FAM246A: variants seen among roughly 807,000 people sequenced by gnomAD.
FAM246A encodes the protein family with sequence similarity 246 member A.
chr22:21,361,144 C>T (rs1225232043), exon 1 of FAM246A, among the ~76,000 whole-genome samples: 1 of 151,504 alleles, frequency 6.6e-6, no homozygotes, highest in African/African-American at 2.4e-5. Context: ...GCTGGCCGAG[C>T]AGGCGAGCCA....
chr22:21,360,701 G>A (rs1374187229), exon 1 of FAM246A, among the ~76,000 whole-genome samples: 4 of 146,956 alleles, frequency 2.7e-5, no homozygotes, highest in African/African-American at 5.1e-5. Context: ...TGGGCCGTCC[G>A]GGGCGTCGTC....
exon 1 of FAM246A, among the ~76,000 whole-genome samples, chr22:21,361,222 G>C (rs1357055918): frequency 1.3e-5 from 2 of 150,946 alleles, no homozygotes; most frequent in African/African-American, 2.4e-5. Flanking sequence ...CCCGCCGGCG[G>C]CCCGTGACGC....
chr22:21,361,066 G>A (rs1262680191), exon 1 of FAM246A, among the ~76,000 whole-genome samples: 1 of 148,690 alleles, frequency 6.7e-6, no homozygotes, highest in South Asian at 2.1e-4. Flanking sequence ...CCGCCGCCCC[G>A]GCCCCCGCAC....
exon 1 of FAM246A, among the ~76,000 whole-genome samples, chr22:21,361,118 G>A (rs1921850136): frequency 6.6e-6 from 1 of 150,952 alleles, no homozygotes. Flanking sequence ...GGACCGCGAA[G>A]CCGCTTCGGC....
chr22:21,361,227 T>C (rs1014128056), exon 1 of FAM246A, among the ~76,000 whole-genome samples: 5 of 150,622 alleles, frequency 3.3e-5, no homozygotes, highest in African/African-American at 1.2e-4. Context: ...CGGCGGCCCG[T>C]GACGCGCCGC....
chr22:21,361,051 C>G (rs1261648608), exon 1 of FAM246A, among the ~76,000 whole-genome samples: 1 of 147,496 alleles, frequency 6.8e-6, no homozygotes, highest in Non-Finnish European at 1.5e-5. Flanking sequence ...TCCTCTCGCC[C>G]GCGCCCGCCG....
chr22:21,360,773 C>CCGCGGGGCGTGGCGCGGGGGACGG lies in FAM246A; in HGVS notation c.503_526dup (p.Ala168_Arg175dup), dbSNP rs1555873722. ...GCCGAGCGTCCGCAGCAGGGTCGGG[C>CCGCGGGGCGTGGCGCGGGGGACGG]CGCGGGGCGTGGCGCGGGGGACGGC... On this transcript the variant is annotated inframe_insertion, in exon 1 of 1. Transcript: ENST00000652479. 6.1e-5 allele frequency among the ~76,000 whole-genome samples: 9 copies of CCGCGGGGCGTGGCGCGGGGGACGG among 147,242 alleles called. No individual in the cohort carries two copies. In the East Asian group the frequency reaches 1.8e-3, roughly 29 times the overall value.
chr22:21,360,890 G>A (rs1921842616), exon 1 of FAM246A, among the ~76,000 whole-genome samples: 1 of 145,458 alleles, frequency 6.9e-6, no homozygotes, highest in Non-Finnish European at 1.5e-5. Context: ...CGCGCGCAGC[G>A]CCTCAATCTC....
rs916935532 is a variant in FAM246A at position 21,360,704 on chromosome 22, G to A, written c.596C>T (p.Ala199Val). Among the ~76,000 whole-genome samples, 11 of 147,168 alleles carry A rather than the reference G, an allele frequency of 7.5e-5. 1 individual carries two copies. Among genetic ancestry groups the A allele is most frequent in the East Asian group, 2.0e-4 (1 of 4,996 alleles). The stretch of plus-strand genomic sequence containing the variant: ...TCCGCATTCTGCTGGGCCGTCCGGG[G>A]CGTCGTCTGCGGGCCTGGAGGCGGC... The change falls in exon 1 of 1, where the codon GCC becomes GTC. Residue 199 changes from alanine to valine, a missense_variant. Coordinates refer to ENST00000652479, the Ensembl canonical transcript of FAM246A.
exon 1 of FAM246A, among the ~76,000 whole-genome samples, chr22:21,360,719 C>G (rs5753147): frequency 0.16 from 22,831 of 146,882 alleles, 2,544 homozygotes; most frequent in East Asian, 0.51. Flanking sequence ...GTCTGCGGGC[C>G]TGGAGGCGGC....
chr22:21,360,884 C>A (rs1463068930), exon 1 of FAM246A, among the ~76,000 whole-genome samples: 1 of 145,878 alleles, frequency 6.9e-6, no homozygotes, highest in East Asian at 2.1e-4. Flanking sequence ...AAGCTCCGCG[C>A]GCAGCGCCTC....
rs945587378 is a variant in FAM246A, at chr22:21,361,140, C to A, written c.160G>T (p.Gly54Cys). The stretch of plus-strand genomic sequence containing the variant: ...GAAGCCGCTTCGGCCCGGAGCTGGC[C>A]GAGCAGGCGAGCCAGCCGGCCCGGG... Residue 54 changes from glycine to cysteine, a missense_variant, in exon 1 of 1, where the codon GGC becomes TGC. By Grantham distance (159) the Gly-to-Cys change is radical. Transcript: ENST00000652479. Among the ~76,000 whole-genome samples the A allele has an allele frequency of 1.3e-3, 194 of 149,502 alleles. 3 individuals carry two copies. Among genetic ancestry groups the A allele is most frequent in the African/African-American group, 4.5e-3 (176 of 39,478 alleles).
exon 1 of FAM246A, among the ~76,000 whole-genome samples, chr22:21,360,783 TGGCGCGGGGGAC>T (rs1921837602): frequency 6.2e-5 from 9 of 145,720 alleles, no homozygotes. Context: ...CCGCGGGGCG[TGGCGCGGGGGAC>T]GGCGCGGGGC....
At chr22:21,360,823 G>GGACGGC (rs1555873728) in exon 1 of FAM246A, among the ~76,000 whole-genome samples, 3 of 135,458 alleles carry the variant, frequency 2.2e-5, no homozygotes, top group Non-Finnish European at 4.7e-5. Context: ...GGGCAGGCGG[G>GGACGGC]GACGGCGGCG....
chr22:21,360,672 G>T (rs1361388505), exon 1 of FAM246A, among the ~76,000 whole-genome samples: 1 of 146,224 alleles, frequency 6.8e-6, no homozygotes, highest in Non-Finnish European at 1.5e-5. Flanking sequence ...ACCGGGGCTC[G>T]GTGCGCTCCG....
chr22:21,361,162 C>T (rs1407742557), exon 1 of FAM246A, among the ~76,000 whole-genome samples: 1 of 151,510 alleles, frequency 6.6e-6, no homozygotes, highest in Non-Finnish European at 1.5e-5. Flanking sequence ...CCAGCCGGCC[C>T]GGGGCTCGGG....
chr22:21,360,695 C>A (rs1335998656), exon 1 of FAM246A, among the ~76,000 whole-genome samples: 1 of 146,894 alleles, frequency 6.8e-6, no homozygotes, highest in African/African-American at 2.6e-5. Context: ...TTCTGCTGGG[C>A]CGTCCGGGGC....
At position 21,361,112 on chromosome 22, in the gene FAM246A, C is replaced by G. The variant is rs912964659; in HGVS notation, c.188G>C (p.Arg63Pro). The stretch of plus-strand genomic sequence containing the variant: ...CTTCAGCAGCCGCGGCACCTCGGAC[C>G]GCGAAGCCGCTTCGGCCCGGAGCTG... Residue 63 changes from arginine (R) to proline (P), a missense_variant, in exon 1 of 1, where the codon CGG becomes CCG. Physicochemically the swap from Arg to Pro is moderately radical, Grantham distance 103 (BLOSUM62 -2). Coordinates refer to ENST00000652479, the Ensembl canonical transcript of FAM246A. Among the ~76,000 whole-genome samples the G allele has an allele frequency of 2.6e-3, 388 of 150,896 alleles. 4 individuals carry two copies. Among genetic ancestry groups the G allele is most frequent in the African/African-American group, 8.2e-3 (338 of 41,008 alleles).
exon 1 of FAM246A, among the ~76,000 whole-genome samples, chr22:21,360,832 C>G (rs1015439707): frequency 6.9e-6 from 1 of 144,242 alleles, no homozygotes; most frequent in African/African-American, 2.6e-5. Flanking sequence ...GGGACGGCGG[C>G]GGCGGCGGCA....
Sources: gnomAD v4.1 joint callset for allele counts (sites outside exome capture counted in the v4.1 genomes callset) on GRCh38, gnomAD v4.1.1 for gene constraint, MANE v1.5 for transcripts, NCBI Gene and HGNC (gene_info 2026-07-23, HGNC 2026-07-21) for gene names.